PLPPR1: variants seen among roughly 807,000 people sequenced by gnomAD.
PLPPR1 encodes phospholipid phosphatase related 1, also known as phospholipid phosphatase-related protein type 1.
A neutral mutation model predicts 33.1 loss-of-function variants in PLPPR1; 10 were observed. The ratio of observed to expected loss-of-function variants is 0.30; its 90% CI spans 0.19 to 0.51. The LOEUF (loss-of-function observed/expected upper bound fraction) is 0.51. Ranked by LOEUF, PLPPR1 falls within the 20% of genes least tolerant of loss-of-function variation. The pLI, the probability that PLPPR1 is intolerant of heterozygous loss-of-function variation, is 0.97. For missense variants in PLPPR1, 304 were observed against 408.1 expected (o/e 0.74, Z 2.20); for synonymous variants, 151 against 151.0 (o/e 1.00, Z 0.00).
chr9:101,309,120 A>G, intron 4 of PLPPR1, 91 bp from the exon 5 acceptor site: 1 of 1,326,020 alleles, frequency 7.5e-7, no homozygotes, highest in South Asian at 1.3e-5. Context: ...TTGATAGGTC[A>G]TCATGGACTC....
intron 4 of PLPPR1, among the ~76,000 whole-genome samples, chr9:101,287,502 GTATTT>G (rs1286152502): frequency 1.3e-5 from 2 of 152,030 alleles, no homozygotes; most frequent in Admixed American, 6.6e-5. Context: ...ACCCTGTAAG[GTATTT>G]TATTTTATTT....
At chr9:101,259,070 A>G (rs1827851280) in intron 2 of PLPPR1, among the ~76,000 whole-genome samples, 1 of 152,158 alleles carries the variant, frequency 6.6e-6, no homozygotes, top group African/African-American at 2.4e-5. Flanking sequence ...GTAGTTGTAA[A>G]TCTACTTAGT....
intron 4 of PLPPR1, among the ~76,000 whole-genome samples, chr9:101,304,177 T>C (rs1157590731): frequency 6.6e-6 from 1 of 152,206 alleles, no homozygotes; most frequent in African/African-American, 2.4e-5. Flanking sequence ...TGCCCGACTT[T>C]GTGAATTTTA....
chr9:101,056,755 A>G lies in PLPPR1; in HGVS notation c.-46+27653A>G, dbSNP rs77569154. 7.1e-3 allele frequency among the ~76,000 whole-genome samples: 1,080 copies of G among 152,314 alleles called. 5 individuals are homozygous for G. Among genetic ancestry groups the G allele is most frequent in the Non-Finnish European group, 0.012 (849 of 68,036 alleles). On this transcript the variant is annotated intron_variant, in intron 1 of 7. Transcript: ENST00000374874. ...TTACTCAACCTTTGAACTCCAAAGA[A>G]GTAGTTCAGTAGGTGTGGAAGAGCT...
At chr9:101,143,768 AG>A in intron 1 of PLPPR1, among the ~76,000 whole-genome samples, 1 of 152,352 alleles carries the variant, frequency 6.6e-6, no homozygotes, top group Non-Finnish European at 1.5e-5. Context: ...ATCATTAAAA[AG>A]TCAGGAAACA....
At chr9:101,070,861 A>G (rs1024501983) in intron 1 of PLPPR1, among the ~76,000 whole-genome samples, 1 of 152,144 alleles carries the variant, frequency 6.6e-6, no homozygotes, top group African/African-American at 2.4e-5. Context: ...TCCAGCACTA[A>G]CAACAGTATC....
chr9:101,053,020 A>C (rs1211606887), intron 1 of PLPPR1, among the ~76,000 whole-genome samples: 1 of 152,222 alleles, frequency 6.6e-6, no homozygotes, highest in Non-Finnish European at 1.5e-5. Flanking sequence ...GGGCGGAGGC[A>C]GCACAAAATA....
intron 1 of PLPPR1, among the ~76,000 whole-genome samples, chr9:101,093,010 C>G (rs1049740390): frequency 1.6e-4 from 25 of 152,134 alleles, no homozygotes; most frequent in African/African-American, 6.0e-4. Flanking sequence ...TGGTCTAGGA[C>G]TTTCCAGCTT....
chr9:101,111,009 A>G (rs1301109957), intron 1 of PLPPR1, among the ~76,000 whole-genome samples: 3 of 152,124 alleles, frequency 2.0e-5, no homozygotes, highest in Admixed American at 6.5e-5. Flanking sequence ...AGATGGGTTA[A>G]TGGAATTATA....
chr9:101,136,686 A>T (rs994855951), intron 1 of PLPPR1, among the ~76,000 whole-genome samples: 10 of 152,184 alleles, frequency 6.6e-5, no homozygotes. Flanking sequence ...TTGTGTTATT[A>T]TAAGTCATAC....
intron 2 of PLPPR1, among the ~76,000 whole-genome samples, chr9:101,246,055 AATATATATATATATATATAT>A (rs58070017): frequency 0.11 from 9,580 of 85,760 alleles, 720 homozygotes; most frequent in Non-Finnish European, 0.16. Flanking sequence ...ATTGAATATG[AATATATATATATATATATAT>A]ATATATATAT....
chr9:101,297,049 C>T (rs1224803361), intron 4 of PLPPR1, among the ~76,000 whole-genome samples: 1 of 151,942 alleles, frequency 6.6e-6, no homozygotes, highest in Non-Finnish European at 1.5e-5. Flanking sequence ...GTGTGTTATC[C>T]ATAGCAAAGA....
intron 2 of PLPPR1, among the ~76,000 whole-genome samples, chr9:101,254,473 C>T (rs1052997043): frequency 5.9e-5 from 9 of 152,086 alleles, no homozygotes; most frequent in African/African-American, 2.2e-4. Context: ...AAGCTTTGCT[C>T]ACTTGCCTGC....
At chr9:101,172,609 T>C (rs1261489851) in intron 1 of PLPPR1, among the ~76,000 whole-genome samples, 1 of 152,102 alleles carries the variant, frequency 6.6e-6, no homozygotes, top group Non-Finnish European at 1.5e-5. Context: ...TTTCCACCCA[T>C]GCATGTGCTC....
intron 2 of PLPPR1, among the ~76,000 whole-genome samples, chr9:101,249,468 A>G (rs1009842420): frequency 2.0e-5 from 3 of 152,128 alleles, no homozygotes; most frequent in African/African-American, 7.2e-5. Context: ...TCAACAGGAA[A>G]GAGTCCCAAA....
At chr9:101,044,509 A>G (rs1830121873) in intron 1 of PLPPR1, among the ~76,000 whole-genome samples, 1 of 152,222 alleles carries the variant, frequency 6.6e-6, no homozygotes, top group South Asian at 2.1e-4. Context: ...CTTCATTTGT[A>G]AAATGAAGAC....
At chr9:101,133,448 G>C (rs10512278) in intron 1 of PLPPR1, among the ~76,000 whole-genome samples, 22,237 of 152,118 alleles carry the variant, frequency 0.15, 1,966 homozygotes, top group Non-Finnish European at 0.2. Context: ...TTGAATTCTA[G>C]CTTCACCATC....
chr9:101,060,238 A>T (rs763954491), intron 1 of PLPPR1, among the ~76,000 whole-genome samples: 28 of 152,086 alleles, frequency 1.8e-4, no homozygotes, highest in Non-Finnish European at 3.2e-4. Context: ...CAAATACCAA[A>T]TGATTTCACT....
intron 4 of PLPPR1, among the ~76,000 whole-genome samples, chr9:101,289,610 T>C (rs758808668): frequency 1.3e-5 from 2 of 152,344 alleles, no homozygotes; most frequent in Non-Finnish European, 1.5e-5. Context: ...TGGTAGTGAA[T>C]AAGTCTCAAA....
Sources: allele counts gnomAD v4.1 joint callset (sites outside exome capture counted in the v4.1 genomes callset), GRCh38; gene constraint gnomAD v4.1.1; transcripts MANE v1.5; gene names NCBI Gene and HGNC (gene_info 2026-07-23, HGNC 2026-07-21).